TSNARE1: variants seen among roughly 807,000 people sequenced by gnomAD.
TSNARE1 encodes the protein t-SNARE domain-containing protein 1.
TSNARE1 carries 49 observed loss-of-function variants against 62.0 expected under a neutral mutation model. That is an observed-to-expected ratio of 0.79 (90% CI 0.63 to 1.00). TSNARE1 has a LOEUF of 1.00. Among genes scored for constraint, TSNARE1 ranks in the 50% least tolerant of loss-of-function variants. The pLI is 0.00. For synonymous variants in TSNARE1, 328 were observed against 294.4 expected, an observed-to-expected ratio of 1.11 and a Z score of -1.17; for missense variants, 755 against 700.1, an observed-to-expected ratio of 1.08 and a Z score of -0.88.
At chr8:142,225,022 T>A (rs1816708243) in intron 13 of TSNARE1, among the ~76,000 whole-genome samples, 1 of 152,094 alleles carries the variant, frequency 6.6e-6, no homozygotes, top group Non-Finnish European at 1.5e-5. Context: ...AAGGGAGGCG[T>A]GGCTGCAGGC....
chr8:142,303,726 G>GT (rs1826172392), intron 9 of TSNARE1, among the ~76,000 whole-genome samples: 1 of 152,246 alleles, frequency 6.6e-6, no homozygotes, highest in South Asian at 2.1e-4. Flanking sequence ...TAGGAGGGCT[G>GT]TATGCTGGTA....
At chr8:142,244,439 T>C (rs1335736695) in intron 12 of TSNARE1, among the ~76,000 whole-genome samples, 8 of 106,892 alleles carry the variant, frequency 7.5e-5, no homozygotes, top group Non-Finnish European at 1.5e-4. Context: ...AAGAAAATCA[T>C]CACTTACATG....
intron 12 of TSNARE1, among the ~76,000 whole-genome samples, chr8:142,254,355 C>T (rs1021900818): frequency 1.3e-4 from 20 of 152,192 alleles, no homozygotes; most frequent in African/African-American, 4.6e-4. Context: ...CTGCTGTCTG[C>T]AGAAGACATC....
intron 10 of TSNARE1, among the ~76,000 whole-genome samples, chr8:142,288,554 AG>A (rs1823183791): frequency 6.6e-6 from 1 of 152,230 alleles, no homozygotes; most frequent in Admixed American, 6.5e-5. Context: ...CCTGGGCAGA[AG>A]GGTTTTGTAG....
intron 12 of TSNARE1, among the ~76,000 whole-genome samples, chr8:142,268,385 C>CT (rs1175258445): frequency 6.6e-6 from 1 of 152,240 alleles, no homozygotes; most frequent in Non-Finnish European, 1.5e-5. Context: ...GCTCTCCTAG[C>CT]TTGGCCCTTG....
chr8:142,357,954 C>A (rs1428789004), intron 1 of TSNARE1, among the ~76,000 whole-genome samples: 1 of 151,914 alleles, frequency 6.6e-6, no homozygotes, highest in East Asian at 1.9e-4. Context: ...CAAAGGGCGG[C>A]GGGGTCTGCT....
At chr8:142,388,786 G>A (rs948809629) in intron 1 of TSNARE1, among the ~76,000 whole-genome samples, 24 of 151,946 alleles carry the variant, frequency 1.6e-4, no homozygotes, top group African/African-American at 5.6e-4. Context: ...TCAAACTCCT[G>A]GTCTCAAACG....
rs998138076 is a variant in TSNARE1, at chr8:142,258,203, G to A, written c.1446+16578C>T. On this transcript the variant is annotated intron_variant, in intron 12 of 13. Transcript: ENST00000524325. ...ATGCCTGTGTGCACACACAGTACAC[G>A]AGTGCATAAGCTGTGCACATATACA... Among the ~76,000 whole-genome samples, 37 of 152,066 alleles carry A rather than the reference G, an allele frequency of 2.4e-4. 1 individual carries two copies. Among genetic ancestry groups the A allele is most frequent in the Non-Finnish European group, 5.9e-5 (4 of 68,016 alleles).
chr8:142,327,929 C>A (rs998174369), intron 6 of TSNARE1, among the ~76,000 whole-genome samples: 12 of 152,124 alleles, frequency 7.9e-5, no homozygotes, highest in African/African-American at 2.9e-4. Flanking sequence ...CAGCAGCCAC[C>A]TCTAATGCAT....
intron 12 of TSNARE1, chr8:142,271,673 G>GTC: frequency 7.2e-7 from 1 of 1,389,588 alleles, no homozygotes; most frequent in Non-Finnish European, 9.3e-7. Context: ...GCAGCTGGGG[G>GTC]TCTCGTCCTC....
chr8:142,310,528 G>A (rs1215879854), intron 9 of TSNARE1, among the ~76,000 whole-genome samples: 1 of 151,256 alleles, frequency 6.6e-6, no homozygotes, highest in Non-Finnish European at 1.5e-5. Flanking sequence ...CTGTTGATGA[G>A]GAGTTCTCTC....
intron 10 of TSNARE1, among the ~76,000 whole-genome samples, chr8:142,288,172 G>A (rs1279678288): frequency 6.6e-6 from 1 of 152,232 alleles, no homozygotes; most frequent in Non-Finnish European, 1.5e-5. Flanking sequence ...GCTGAGCAAG[G>A]CCGGGTCCAG....
intron 1 of TSNARE1, among the ~76,000 whole-genome samples, chr8:142,395,247 G>A (rs1245493369): frequency 6.6e-6 from 1 of 152,042 alleles, no homozygotes; most frequent in African/African-American, 2.4e-5. Context: ...TGACTGCAAT[G>A]CAACAAGGCC....
At chr8:142,224,739 C>T (rs145393330) in intron 13 of TSNARE1, among the ~76,000 whole-genome samples, 1 of 139,222 alleles carries the variant, frequency 7.2e-6, no homozygotes, top group Non-Finnish European at 1.6e-5. Flanking sequence ...TGGGGGCTGG[C>T]CTCTTGGAGC....
intron 1 of TSNARE1, among the ~76,000 whole-genome samples, chr8:142,391,512 C>T (rs1461794780): frequency 1.3e-5 from 2 of 152,174 alleles, no homozygotes; most frequent in African/African-American, 4.8e-5. Flanking sequence ...TGCAGCTCTT[C>T]AGCTCTTCAG....
At chr8:142,364,459 C>G (rs925850302) in intron 1 of TSNARE1, among the ~76,000 whole-genome samples, 1 of 152,190 alleles carries the variant, frequency 6.6e-6, no homozygotes, top group African/African-American at 2.4e-5. Flanking sequence ...ACATCTACTC[C>G]CTAGCTTTGT....
At chr8:142,350,243 C>A (rs1346041129) in intron 2 of TSNARE1, among the ~76,000 whole-genome samples, 2 of 152,110 alleles carry the variant, frequency 1.3e-5, no homozygotes. Context: ...GGGACCAGGG[C>A]AGGCCGGCTT....
chr8:142,347,182 G>A (rs1305423952), intron 2 of TSNARE1, among the ~76,000 whole-genome samples: 2 of 152,242 alleles, frequency 1.3e-5, no homozygotes, highest in African/African-American at 4.8e-5. Context: ...TCGGGGCGGA[G>A]GTTTCCGCAG....
At chr8:142,286,812 C>T (rs1281217561) in intron 10 of TSNARE1, among the ~76,000 whole-genome samples, 3 of 152,192 alleles carry the variant, frequency 2.0e-5, no homozygotes, top group Non-Finnish European at 4.4e-5. Context: ...CAACTTCGAC[C>T]CTGGCCACTG....
Sources: allele counts gnomAD v4.1 joint callset (sites outside exome capture counted in the v4.1 genomes callset), GRCh38; gene constraint gnomAD v4.1.1; transcripts MANE v1.5; gene names NCBI Gene and HGNC (gene_info 2026-07-23, HGNC 2026-07-21).